Variants in CD200R1 observed in about 807,000 individuals in gnomAD.
CD200R1 encodes cell surface glycoprotein CD200 receptor 1.
A neutral mutation model predicts 38.1 loss-of-function variants in CD200R1; 30 were observed. The ratio of observed to expected loss-of-function variants is 0.79; its 90% confidence interval spans 0.59 to 1.07. CD200R1 has a LOEUF of 1.07. CD200R1 is among the 50% of genes least tolerant of loss of function. The pLI is 0.00. For missense variants in CD200R1, 372 were observed against 415.4 expected, an observed-to-expected ratio of 0.90 and a Z score of 0.91; for synonymous variants, 128 against 152.1, an observed-to-expected ratio of 0.84 and a Z score of 1.16.
At chr3:112,924,188 A>G (rs532800393) in intron 7 of CD200R1, among the ~76,000 whole-genome samples, 2 of 152,066 alleles carry the variant, frequency 1.3e-5, no homozygotes, top group South Asian at 4.1e-4. Flanking sequence ...GGAATTAGAG[A>G]TGCTTTCAAA....
At chr3:112,938,318 G>T (rs1393893667) in intron 2 of CD200R1, among the ~76,000 whole-genome samples, 1 of 152,000 alleles carries the variant, frequency 6.6e-6, no homozygotes, top group African/African-American at 2.4e-5. Context: ...TATGATATGA[G>T]CTGTGGGTTT....
At chr3:112,931,254 C>A (rs115714431) in intron 2 of CD200R1, 83 bp from the exon 3 acceptor site, 1 of 806,722 alleles carries the variant, frequency 1.2e-6, no homozygotes, top group East Asian at 2.5e-5. Context: ...AAAGTCTTAT[C>A]CAACATGATA....
At chr3:112,948,098 T>C (rs1308071052) in intron 1 of CD200R1, among the ~76,000 whole-genome samples, 174 bp from the exon 2 acceptor site, 2 of 152,200 alleles carry the variant, frequency 1.3e-5, no homozygotes, top group African/African-American at 4.8e-5. Context: ...TGTCCCAGTA[T>C]AAACTTTTGA....
Position 112,974,913 on chromosome 3 carries a change from G to C in CD200R1, c.-56C>G. 1 of 1,375,674 alleles carries C rather than the reference G, an allele frequency of 7.3e-7. No individual in the cohort carries two copies. Among genetic ancestry groups the C allele is most frequent in the Non-Finnish European group, 1.0e-6 (1 of 965,568 alleles). 85.2% of individuals were successfully genotyped at this position (1,375,674 alleles called of 1,614,324 possible). On this transcript the variant is annotated 5_prime_UTR_variant, in exon 1 of 8. Transcript: ENST00000308611. ...AGTACTTTTCCTCCACACAGGTACA[G>C]AAGGAACTGTGCGCATGGTGAGACC...
At chr3:112,938,902 T>G (rs1940650514) in intron 2 of CD200R1, among the ~76,000 whole-genome samples, 1 of 151,850 alleles carries the variant, frequency 6.6e-6, no homozygotes, top group South Asian at 2.1e-4. Flanking sequence ...CAACAGAACA[T>G]CAAAAACATC....
chr3:112,969,167 A>G (rs1340484050), intron 1 of CD200R1, among the ~76,000 whole-genome samples: 3 of 152,186 alleles, frequency 2.0e-5, no homozygotes, highest in Non-Finnish European at 2.9e-5. Context: ...GAAAAATACA[A>G]TATCTAAAAT....
intron 1 of CD200R1, among the ~76,000 whole-genome samples, chr3:112,958,012 T>C (rs1175905610): frequency 2.0e-5 from 3 of 152,074 alleles, no homozygotes; most frequent in African/African-American, 7.2e-5. Context: ...TGTGGAGAAA[T>C]TAAAACTCTC....
At chr3:112,925,339 A>C in intron 5 of CD200R1, 146 bp from the exon 6 acceptor site, 2 of 563,228 alleles carry the variant, frequency 3.6e-6, no homozygotes, top group Non-Finnish European at 6.4e-6. Context: ...GAAACATGCC[A>C]ATCTGGAAAT....
chr3:112,932,504 C>T (rs1251993065), intron 2 of CD200R1, among the ~76,000 whole-genome samples: 1 of 151,884 alleles, frequency 6.6e-6, no homozygotes, highest in Non-Finnish European at 1.5e-5. Context: ...GGAAACAGTC[C>T]TGTGCCTCCT....
intron 1 of CD200R1, among the ~76,000 whole-genome samples, chr3:112,969,349 G>A (rs1190262809): frequency 6.6e-6 from 1 of 151,416 alleles, no homozygotes; most frequent in Non-Finnish European, 1.5e-5. Flanking sequence ...CTCCTCACTA[G>A]CAGACCTACA....
chr3:112,941,597 T>C (rs531643501), intron 2 of CD200R1, among the ~76,000 whole-genome samples: 248 of 151,634 alleles, frequency 1.6e-3, no homozygotes, highest in African/African-American at 5.9e-3. Flanking sequence ...TTTTAATCTA[T>C]TTCAAATTTT....
chr3:112,972,388 G>A (rs1324168327), intron 1 of CD200R1, among the ~76,000 whole-genome samples: 1 of 152,090 alleles, frequency 6.6e-6, no homozygotes, highest in East Asian at 1.9e-4. Flanking sequence ...AACAATAAAT[G>A]AATAAAAATT....
intron 3 of CD200R1, 150 bp from the exon 4 acceptor site, chr3:112,929,657 T>C (rs1940379503): frequency 1.4e-6 from 1 of 716,314 alleles, no homozygotes; most frequent in South Asian, 2.5e-5. Flanking sequence ...ATTAAAATTC[T>C]CAAAATATAA....
intron 1 of CD200R1, among the ~76,000 whole-genome samples, chr3:112,961,569 G>A (rs1933019987): frequency 6.6e-6 from 1 of 151,982 alleles, no homozygotes; most frequent in African/African-American, 2.4e-5. Context: ...CAGGCAAACT[G>A]ATGCAGTTTT....
chr3:112,951,797 G>C (rs1009123184), intron 1 of CD200R1, among the ~76,000 whole-genome samples: 44 of 146,554 alleles, frequency 3.0e-4, no homozygotes, highest in Non-Finnish European at 3.0e-5. Context: ...AAAAAAAAAA[G>C]CCTAGGAAAA....
intron 2 of CD200R1, among the ~76,000 whole-genome samples, chr3:112,934,793 G>T (rs1940537834): frequency 6.6e-6 from 1 of 152,086 alleles, no homozygotes; most frequent in South Asian, 2.1e-4. Context: ...TCATGCCATT[G>T]CACTCCAGCC....
At chr3:112,951,409 T>C (rs961889985) in intron 1 of CD200R1, among the ~76,000 whole-genome samples, 2 of 151,836 alleles carry the variant, frequency 1.3e-5, no homozygotes, top group Non-Finnish European at 2.9e-5. Flanking sequence ...TAAGCAAACA[T>C]GTAAGAAAGA....
intron 5 of CD200R1, among the ~76,000 whole-genome samples, chr3:112,926,056 T>C (rs1940274047): frequency 6.6e-6 from 1 of 152,142 alleles, no homozygotes; most frequent in Non-Finnish European, 1.5e-5. Context: ...AAATGGGCAA[T>C]TGTAAGGAAG....
chr3:112,933,116 C>T (rs577652892), intron 2 of CD200R1, among the ~76,000 whole-genome samples: 2 of 152,150 alleles, frequency 1.3e-5, no homozygotes, highest in Non-Finnish European at 2.9e-5. Flanking sequence ...GGGACCTGTA[C>T]CCAGGGCCTA....
Sources: allele counts gnomAD v4.1 joint callset (sites outside exome capture counted in the v4.1 genomes callset), GRCh38; gene constraint gnomAD v4.1.1; transcripts MANE v1.5; gene names NCBI Gene and HGNC (gene_info 2026-07-23, HGNC 2026-07-21).